Variants in UBE3D observed in about 807,000 individuals in gnomAD.
The protein encoded by UBE3D is E3 ubiquitin-protein ligase E3D.
UBE3D carries 48 observed loss-of-function variants against 49.6 expected under a neutral mutation model. The ratio of observed to expected loss-of-function variants is 0.97; its 90% CI spans 0.77 to 1.23. UBE3D has a LOEUF of 1.23. UBE3D is among the 50% of genes most tolerant of loss of function. UBE3D has a pLI of 0.00. For missense variants in UBE3D, 452 were observed against 468.4 expected, an observed-to-expected ratio of 0.96 and a Z score of 0.32; for synonymous variants, 189 against 174.2, an observed-to-expected ratio of 1.08 and a Z score of -0.67.
intron 7 of UBE3D, among the ~76,000 whole-genome samples, 154 bp from the exon 8 acceptor site, chr6:83,019,290 A>G (rs1456436129): frequency 6.6e-6 from 1 of 151,994 alleles, no homozygotes; most frequent in Non-Finnish European, 1.5e-5. Flanking sequence ...GGCCTTTCAA[A>G]ACATAACTCT....
chr6:82,943,034 C>T (rs1374378592), intron 9 of UBE3D, among the ~76,000 whole-genome samples: 1 of 152,226 alleles, frequency 6.6e-6, no homozygotes, highest in Non-Finnish European at 1.5e-5. Context: ...GGCAGAGCTG[C>T]CCAAAGCATC....
chr6:83,048,085 A>AG, intron 3 of UBE3D, among the ~76,000 whole-genome samples: 1 of 148,942 alleles, frequency 6.7e-6, no homozygotes, highest in East Asian at 2.0e-4. Flanking sequence ...AGCTCAAAAA[A>AG]AAAAAAAAAA....
chr6:82,929,407 C>T (rs1473934609), intron 9 of UBE3D, among the ~76,000 whole-genome samples: 1 of 152,174 alleles, frequency 6.6e-6, no homozygotes, highest in Non-Finnish European at 1.5e-5. Context: ...CTTTCTCTTA[C>T]TGAAGATTTC....
chr6:82,892,296 G>A (rs1411675585), downstream of UBE3D: 1 of 152,796 alleles, frequency 6.5e-6, no homozygotes, highest in East Asian at 1.9e-4. Flanking sequence ...TTAGGAGCTA[G>A]CGTGTACTCT....
Position 82,995,510 on chromosome 6 carries a change from A to ACACACACACACACACG in UBE3D, c.1010+23462_1010+23463insCGTGTGTGTGTGTGTG, listed in dbSNP as rs766604234. On this transcript the variant is annotated intron_variant, in intron 8 of 9. Transcript: ENST00000369747. ...AACAATCACACACACACACACACACACACACAGTCACCAACTTAAGTAAGC... is the reference window on the plus strand; with the variant it reads ...AACAATCACACACACACACACACACACACACACACACACACGCACACAGTCACCAACTTAAGTAAGC... Among the ~76,000 whole-genome samples, 147 of 151,668 alleles carry ACACACACACACACACG rather than the reference A, an allele frequency of 9.7e-4. 1 individual carries two copies. Among genetic ancestry groups the ACACACACACACACACG allele is most frequent in the African/African-American group, 3.0e-3 (124 of 41,276 alleles).
chr6:83,040,383 C>A (rs1465676363), intron 4 of UBE3D, among the ~76,000 whole-genome samples: 5 of 46,172 alleles, frequency 1.1e-4, no homozygotes, highest in Admixed American at 8.5e-4. Context: ...GACTGACTCT[C>A]TCTCTCTCTC....
chr6:82,972,036 C>G (rs928490939), intron 8 of UBE3D, among the ~76,000 whole-genome samples: 1 of 152,112 alleles, frequency 6.6e-6, no homozygotes, highest in Non-Finnish European at 1.5e-5. Flanking sequence ...GAAACCACAT[C>G]TGGTTTCAGC....
intron 9 of UBE3D, among the ~76,000 whole-genome samples, chr6:82,917,586 T>A (rs140648729): frequency 6.6e-6 from 1 of 152,114 alleles, no homozygotes; most frequent in East Asian, 1.9e-4. Context: ...CCTGGGGTGA[T>A]TGTAATGAGC....
At chr6:82,991,154 C>G (rs1463431268) in intron 8 of UBE3D, among the ~76,000 whole-genome samples, 1 of 152,104 alleles carries the variant, frequency 6.6e-6, no homozygotes, top group East Asian at 1.9e-4. Context: ...AGACACAGAG[C>G]AAGGAAGAAT....
intron 1 of UBE3D, among the ~76,000 whole-genome samples, chr6:83,064,112 T>A (rs1349981027): frequency 6.6e-6 from 1 of 152,220 alleles, no homozygotes; most frequent in Non-Finnish European, 1.5e-5. Context: ...TGAAAAATAT[T>A]ATGGAAGGAA....
intron 8 of UBE3D, among the ~76,000 whole-genome samples, chr6:83,003,044 C>T (rs1779738587): frequency 6.6e-6 from 1 of 151,994 alleles, no homozygotes; most frequent in Admixed American, 6.6e-5. Flanking sequence ...TCTCCTGCTT[C>T]AAAATCACTT....
chr6:83,029,481 C>T (rs951659632), intron 5 of UBE3D, among the ~76,000 whole-genome samples: 2 of 152,102 alleles, frequency 1.3e-5, no homozygotes, highest in Non-Finnish European at 2.9e-5. Flanking sequence ...TTGAGATTTG[C>T]TATCTGTTCA....
At chr6:82,973,147 A>G (rs2127708583) in intron 8 of UBE3D, among the ~76,000 whole-genome samples, 1 of 152,312 alleles carries the variant, frequency 6.6e-6, no homozygotes, top group South Asian at 2.1e-4. Context: ...ATTTTATGCA[A>G]AGTAGGAGAA....
At chr6:82,910,480 T>C (rs1293618851) in intron 9 of UBE3D, among the ~76,000 whole-genome samples, 1 of 152,138 alleles carries the variant, frequency 6.6e-6, no homozygotes, top group Admixed American at 6.5e-5. Flanking sequence ...CTCTATTACT[T>C]CCACATTACT....
intron 9 of UBE3D, among the ~76,000 whole-genome samples, chr6:82,934,642 A>C (rs1394745550): frequency 1.8e-4 from 27 of 152,166 alleles, no homozygotes; most frequent in Admixed American, 6.6e-5. Flanking sequence ...TCCAAAACAC[A>C]TGAAGACATC....
At chr6:82,972,276 T>C (rs1777410060) in intron 8 of UBE3D, among the ~76,000 whole-genome samples, 1 of 152,206 alleles carries the variant, frequency 6.6e-6, no homozygotes, top group Non-Finnish European at 1.5e-5. Context: ...CACTTGGCAA[T>C]GGTATAACTC....
At chr6:83,015,887 G>C (rs1562187804) in intron 8 of UBE3D, among the ~76,000 whole-genome samples, 1 of 152,116 alleles carries the variant, frequency 6.6e-6, no homozygotes, top group Non-Finnish European at 1.5e-5. Context: ...CACTACTGGG[G>C]GTAGGGAAGC....
chr6:82,898,460 A>C (rs1250745882), intron 9 of UBE3D, among the ~76,000 whole-genome samples: 1 of 152,220 alleles, frequency 6.6e-6, no homozygotes, highest in Non-Finnish European at 1.5e-5. Flanking sequence ...TGAATAAAGA[A>C]AATGTGGCAC....
chr6:82,931,242 T>C (rs1774126609), intron 9 of UBE3D, among the ~76,000 whole-genome samples: 1 of 152,202 alleles, frequency 6.6e-6, no homozygotes, highest in Admixed American at 6.5e-5. Context: ...TGCCTGGAAA[T>C]CCAGGCAGAA....
Sources: allele counts gnomAD v4.1 joint callset (sites outside exome capture counted in the v4.1 genomes callset), GRCh38; gene constraint gnomAD v4.1.1; transcripts MANE v1.5; gene names NCBI Gene and HGNC (gene_info 2026-07-23, HGNC 2026-07-21).